Variants in SCN3B observed in about 807,000 individuals in gnomAD.
SCN3B encodes sodium channel regulatory subunit beta-3.
A neutral mutation model predicts 25.4 loss-of-function variants in SCN3B; 11 were observed. The observed-to-expected ratio is 0.43, with a 90% CI of 0.27 to 0.72. The LOEUF (loss-of-function observed/expected upper bound fraction) is 0.72, where lower values mean the gene tolerates loss of function less well. Ranked by LOEUF, SCN3B falls within the 30% of genes least tolerant of loss-of-function variation. The pLI is 0.18. For missense variants in SCN3B, 218 were observed against 278.3 expected (o/e 0.78, Z 1.54); for synonymous variants, 109 against 110.7 (o/e 0.99, Z 0.09).
chr11:123,642,371 G>T lies in SCN3B; in HGVS notation c.445+75C>A, dbSNP rs968775075. ...TTTGCACTCTTTAAGGGCCTCACTC[G>T]TGGAAAACTGCTGTCCTACCCTTCC... On this transcript the variant is annotated intron_variant, in intron 4 of 6. Coordinates refer to ENST00000299333, the MANE Select transcript of SCN3B (RefSeq NM_001040151.2). This position sits in a 1 kb window ranked among gnomAD's most constrained non-coding sequence, Gnocchi z 4.3. 2 of 1,434,176 alleles carry T rather than the reference G, an allele frequency of 1.4e-6. No homozygotes were observed. Among genetic ancestry groups the T allele is most frequent in the South Asian group, 1.1e-5 (1 of 87,042 alleles). 88.8% of individuals were successfully genotyped at this position (1,434,176 alleles called of 1,614,324 possible).
intron 2 of SCN3B, among the ~76,000 whole-genome samples, chr11:123,650,597 T>G (rs992450104): frequency 6.6e-6 from 1 of 151,860 alleles, no homozygotes; most frequent in African/African-American, 2.4e-5. Context: ...TGCTAGTGAG[T>G]GAGGCCCTAG....
intron 2 of SCN3B, among the ~76,000 whole-genome samples, chr11:123,651,332 TC>T (rs1955923682): frequency 6.6e-6 from 1 of 152,014 alleles, no homozygotes; most frequent in Non-Finnish European, 1.5e-5. Context: ...TGCATGCAAA[TC>T]AAATGAAATT....
chr11:123,644,840 T>TAC (rs1555115890), intron 3 of SCN3B, among the ~76,000 whole-genome samples: 2,533 of 124,094 alleles, frequency 0.02, 62 homozygotes, highest in Non-Finnish European at 0.027. Context: ...TATATATATA[T>TAC]ACACACACAC....
intron 4 of SCN3B, chr11:123,641,024 T>C (rs1238265836): frequency 6.6e-6 from 1 of 152,244 alleles, no homozygotes; most frequent in Non-Finnish European, 1.5e-5. Flanking sequence ...TCCCACCAGC[T>C]ATGCACGAGG....
At chr11:123,653,885 C>A in intron 1 of SCN3B, 59 bp from the exon 2 acceptor site, 1 of 1,506,184 alleles carries the variant, frequency 6.6e-7, no homozygotes, top group African/African-American at 1.4e-5. Flanking sequence ...TTCGAGGAAA[C>A]CCTTTGGGAC....
intron 4 of SCN3B, chr11:123,639,012 C>T (rs945108977): frequency 1.3e-5 from 2 of 155,670 alleles, no homozygotes; most frequent in Admixed American, 1.2e-4. Context: ...TTTTGAAACA[C>T]AGTTAGGATC....
chr11:123,649,892 C>T (rs1187769023), intron 2 of SCN3B, among the ~76,000 whole-genome samples: 1 of 152,060 alleles, frequency 6.6e-6, no homozygotes, highest in African/African-American at 2.4e-5. Context: ...TTAGTAAAGA[C>T]AGGGTTTCAC....
rs530465112 is a variant in SCN3B, at chr11:123,645,934, C to T, written c.56-184G>A. Among the ~76,000 whole-genome samples the T allele has an allele frequency of 9.2e-5, 14 of 152,266 alleles. No individual in the cohort carries two copies. In the South Asian group the frequency reaches 2.1e-3, roughly 23 times the overall value. On this transcript the variant is annotated intron_variant, in intron 2 of 6. Transcript: ENST00000299333. ...CCTGCGCTCCCTGAATGTACAGGCT[C>T]AGAACGTGTACACATTGGAGGAGAC...
chr11:123,653,928 A>G lies in SCN3B; in HGVS notation c.-25-102T>C. 7 of 1,115,532 alleles carry G rather than the reference A, an allele frequency of 6.3e-6. No homozygotes were observed. The South Asian group carries it at 8.7e-5, about 14-fold the overall frequency. The allele number at this position is 1,115,532 out of a possible 1,614,324, so 69.1% of individuals were successfully genotyped here. The stretch of plus-strand genomic sequence containing the variant: ...CCCCAGGGGGCGACTTTCTGACCGA[A>G]GGAAGGGCCGAGCACCGGTGCCTGG... On this transcript the variant is annotated intron_variant, in intron 1 of 6. Transcript: ENST00000299333.
intron 2 of SCN3B, among the ~76,000 whole-genome samples, chr11:123,651,183 AG>A (rs1211154082): frequency 1.3e-5 from 2 of 151,928 alleles, no homozygotes; most frequent in African/African-American, 4.8e-5. Context: ...GCTTTAACAA[AG>A]GAAATAAGGA....
chr11:123,631,839 TAATA>T lies in SCN3B; in HGVS notation c.*1956_*1959del, dbSNP rs776449566. ...GTGAGAATCTGTCTCAAAAAAATAA[TAATA>T]AATAAATAAAAATTTAAAAGTCTGG... On this transcript the variant is annotated 3_prime_UTR_variant, in exon 7 of 7. Coordinates refer to ENST00000299333, the MANE Select transcript of SCN3B (RefSeq NM_001040151.2). 2.6e-5 allele frequency: 4 copies of T among 151,830 alleles called. No homozygotes were observed. Among genetic ancestry groups the T allele is most frequent in the Admixed American group, 6.6e-5 (1 of 15,216 alleles). 9.4% of individuals were successfully genotyped at this position (151,830 alleles called of 1,614,324 possible). A position where few individuals can be genotyped will look rare whatever the true frequency, so the allele number is the denominator to read the frequency against.
At chr11:123,643,180 T>C (rs1227640180) in intron 3 of SCN3B, among the ~76,000 whole-genome samples, 1 of 152,140 alleles carries the variant, frequency 6.6e-6, no homozygotes, top group Non-Finnish European at 1.5e-5. Flanking sequence ...AAAACTGGAC[T>C]CTCTGTGCTG....
At chr11:123,649,860 C>A (rs1199697481) in intron 2 of SCN3B, among the ~76,000 whole-genome samples, 1 of 152,006 alleles carries the variant, frequency 6.6e-6, no homozygotes, top group Non-Finnish European at 1.5e-5. Flanking sequence ...CCTGCCATCA[C>A]GCCCAGCTAA....
intron 3 of SCN3B, among the ~76,000 whole-genome samples, chr11:123,643,722 G>A (rs113737344): frequency 9.3e-4 from 141 of 152,258 alleles, no homozygotes; most frequent in Middle Eastern, 3.4e-3. Flanking sequence ...TCCTCACTTT[G>A]GGCAGGCCTG....
intron 3 of SCN3B, among the ~76,000 whole-genome samples, chr11:123,644,786 AGAGAGAGAGAGAGAATATATATATAT>A (rs1955828433): frequency 1.0e-5 from 1 of 97,440 alleles, no homozygotes; most frequent in Admixed American, 1.4e-4. Flanking sequence ...AGAGAGAGAG[AGAGAGAGAGAGAGAATATATATATAT>A]ATATATATAT....
rs371019089 is a variant in SCN3B at position 123,632,161 on chromosome 11, A to G, written c.*1638T>C. The G allele has an allele frequency of 2.6e-5, 4 of 152,146 alleles. No individual in the cohort carries two copies. Among genetic ancestry groups the G allele is most frequent in the Admixed American group, 6.5e-5 (1 of 15,296 alleles). 9.4% of individuals were successfully genotyped at this position (152,146 alleles called of 1,614,324 possible). ...TCTCTGCTCCCTCAAAATCTAGGGGAAAAAAATCTGAAAATTATGCATTCA... is the reference window on the plus strand; with the variant it reads ...TCTCTGCTCCCTCAAAATCTAGGGGGAAAAAATCTGAAAATTATGCATTCA... On this transcript the variant is annotated 3_prime_UTR_variant, in exon 7 of 7. Coordinates refer to ENST00000299333, the MANE Select transcript of SCN3B (RefSeq NM_001040151.2).
In SCN3B at chr11:123,653,625, G is replaced by A. The variant is rs1591352424; in HGVS notation, c.55+122C>T. 4.5e-6 allele frequency: 5 copies of A among 1,116,586 alleles called. 1 individual carries two copies. In the Admixed American group the frequency reaches 8.4e-5, roughly 19 times the overall value. The allele number at this position is 1,116,586 out of a possible 1,614,324, so 69.2% of individuals were successfully genotyped here. A position where few individuals can be genotyped will look rare whatever the true frequency, so the allele number is the denominator to read the frequency against. ...GGAACCCCTGCCATCTCCATGTCTG[G>A]CAGATACGCACAGAGGCAAGCCAGC... On this transcript the variant is annotated intron_variant, in intron 2 of 6. Transcript: ENST00000299333.
intron 2 of SCN3B, among the ~76,000 whole-genome samples, chr11:123,647,431 T>C (rs1459669647): frequency 6.6e-6 from 1 of 152,184 alleles, no homozygotes; most frequent in Non-Finnish European, 1.5e-5. Flanking sequence ...TGAGCTATGA[T>C]GGCACCACTG....
chr11:123,649,092 G>A (rs1171562243), intron 2 of SCN3B, among the ~76,000 whole-genome samples: 4 of 152,188 alleles, frequency 2.6e-5, no homozygotes, highest in South Asian at 2.1e-4. Flanking sequence ...TACAGGGATC[G>A]GATTGGAAGA....
Sources: gnomAD v4.1 joint callset for allele counts (sites outside exome capture counted in the v4.1 genomes callset) on GRCh38, gnomAD v4.1.1 for gene constraint, Gnocchi (gnomAD v3.1) non-coding constraint, MANE v1.5 for transcripts, NCBI Gene and HGNC (gene_info 2026-07-23, HGNC 2026-07-21) for gene names.